The following LIPC variants were observed in gnomAD, a reference collection of about 807,000 sequenced individuals.
LIPC encodes lipase C, hepatic type.
LIPC carries 44 observed loss-of-function variants against 50.7 expected under a neutral mutation model. The ratio of observed to expected loss-of-function variants is 0.87; its 90% CI spans 0.68 to 1.11. The LOEUF is 1.11. LIPC is among the 50% of genes most tolerant of loss of function. The pLI is 0.00. For missense variants in LIPC, 697 were observed against 648.2 expected (o/e 1.08, Z -0.82); for synonymous variants, 271 against 256.4 (o/e 1.06, Z -0.54).
chr15:58,466,042 T>C (rs1894551025), intron 1 of LIPC, among the ~76,000 whole-genome samples: 1 of 152,238 alleles, frequency 6.6e-6, no homozygotes, highest in South Asian at 2.1e-4. Flanking sequence ...AACAGATGTT[T>C]GGGCTGTCAT....
chr15:58,547,297 G>A (rs997343765), intron 5 of LIPC, among the ~76,000 whole-genome samples: 4 of 152,172 alleles, frequency 2.6e-5, no homozygotes, highest in Non-Finnish European at 5.9e-5. Flanking sequence ...CCTCCTGGGT[G>A]GATGAGCTTG....
chr15:58,526,237 A>T (rs1055540871), intron 1 of LIPC, among the ~76,000 whole-genome samples: 5 of 152,206 alleles, frequency 3.3e-5, no homozygotes, highest in African/African-American at 1.2e-4. Flanking sequence ...CAAATGTAAA[A>T]AGTTAGGTAA....
rs1893944668 is a variant in LIPC at position 58,452,629 on chromosome 15, G to C, written c.88+20509G>C. Among the ~76,000 whole-genome samples the C allele has an allele frequency of 2.6e-5, 4 of 152,010 alleles. No individual in the cohort carries two copies. In the South Asian group the frequency reaches 8.3e-4, roughly 32 times the overall value. On this transcript the variant is annotated intron_variant, in intron 1 of 8. Transcript: ENST00000299022. Reference sequence around the variant, plus strand: ...ATTTGACATTCTTCCCTTCTCTCATGAGCTAGACTCAAAGAAGATGGAATC... The same window carrying C: ...ATTTGACATTCTTCCCTTCTCTCATCAGCTAGACTCAAAGAAGATGGAATC...
At chr15:58,523,785 G>A (rs1166717873) in intron 1 of LIPC, among the ~76,000 whole-genome samples, 3 of 152,034 alleles carry the variant, frequency 2.0e-5, no homozygotes, top group African/African-American at 7.2e-5. Context: ...AAATTAGCTA[G>A]TGGAGCAGGG....
chr15:58,540,753 C>T (rs1321128150), intron 2 of LIPC, among the ~76,000 whole-genome samples: 1 of 152,156 alleles, frequency 6.6e-6, no homozygotes, highest in Non-Finnish European at 1.5e-5. Flanking sequence ...CCTGGGATGC[C>T]CTAGACCTCA....
At chr15:58,463,378 G>A (rs1176834573) in intron 1 of LIPC, among the ~76,000 whole-genome samples, 1 of 152,182 alleles carries the variant, frequency 6.6e-6, no homozygotes, top group Non-Finnish European at 1.5e-5. Context: ...AGGAGTCTGT[G>A]ACCCAGACCA....
intron 8 of LIPC, among the ~76,000 whole-genome samples, chr15:58,567,204 A>G (rs1223383556): frequency 7.0e-6 from 1 of 142,532 alleles, no homozygotes; most frequent in African/African-American, 2.6e-5. Flanking sequence ...CCGTCTCAAA[A>G]AAAATAAAAA....
chr15:58,490,912 C>T (rs559976418), intron 1 of LIPC, among the ~76,000 whole-genome samples: 1 of 152,140 alleles, frequency 6.6e-6, no homozygotes, highest in Non-Finnish European at 1.5e-5. Context: ...ACTAATTACA[C>T]CCAGGTGGAA....
At chr15:58,536,856 C>A (rs897361028) in intron 1 of LIPC, among the ~76,000 whole-genome samples, 2 of 152,202 alleles carry the variant, frequency 1.3e-5, no homozygotes, top group Non-Finnish European at 1.5e-5. Context: ...AGTTAATACC[C>A]TTTGGGTAGG....
At chr15:58,501,006 A>G (rs1265323877) in intron 1 of LIPC, among the ~76,000 whole-genome samples, 1 of 151,996 alleles carries the variant, frequency 6.6e-6, no homozygotes, top group East Asian at 1.9e-4. Context: ...CAGCCAATCC[A>G]TATTTCTCCC....
chr15:58,519,436 A>C (rs988744542), intron 1 of LIPC, among the ~76,000 whole-genome samples: 42 of 151,688 alleles, frequency 2.8e-4, no homozygotes, highest in African/African-American at 9.2e-4. Context: ...AAAAAAAAGA[A>C]CTACACTTCT....
chr15:58,486,532 T>C (rs1416663781), intron 1 of LIPC, among the ~76,000 whole-genome samples: 2 of 152,232 alleles, frequency 1.3e-5, no homozygotes, highest in Non-Finnish European at 2.9e-5. Flanking sequence ...TTCATCACTG[T>C]ATTCTCAACA....
Position 58,565,862 on chromosome 15 carries a change from T to C in LIPC, c.1388+2139T>C, listed in dbSNP as rs920716678. 5 of 978,504 alleles carry C rather than the reference T, an allele frequency of 5.1e-6. No homozygotes were observed. The African/African-American group carries it at 9.2e-5, about 18-fold the overall frequency. 60.6% of individuals were successfully genotyped at this position (978,504 alleles called of 1,614,324 possible). A position where few individuals can be genotyped will look rare whatever the true frequency, so the allele number is the denominator to read the frequency against. ...GCTATAATTTTTTTTAGGTTGTAAATACCGAGTGCCTCCTCTGTGTCTACA... is the reference window on the plus strand; with the variant it reads ...GCTATAATTTTTTTTAGGTTGTAAACACCGAGTGCCTCCTCTGTGTCTACA... On this transcript the variant is annotated intron_variant, in intron 8 of 8. Coordinates refer to ENST00000299022, the MANE Select transcript of LIPC (RefSeq NM_000236.3).
At position 58,542,622 on chromosome 15, in the gene LIPC, G is replaced by C. The variant is rs560972096; in HGVS notation, c.545G>C (p.Gly182Ala). ...TCAGGATTTGCCGGCAGTTCCATCG[G>C]TGGAACGCACAAGATTGGGAGAATC... ...HVSGFAGSSI[G>A]GTHKIGRITG... Residue 182 changes from glycine to alanine, a missense_variant, in exon 4 of 9, where the codon GGT (glycine) becomes GCT (alanine). By Grantham distance (60) the Gly-to-Ala change is moderately conservative. Coordinates refer to ENST00000299022, the MANE Select transcript of LIPC (RefSeq NM_000236.3). 6.2e-6 allele frequency: 10 copies of C among 1,612,886 alleles called. No homozygotes were observed. The African/African-American group carries it at 1.3e-4, about 22-fold the overall frequency.
intron 1 of LIPC, among the ~76,000 whole-genome samples, chr15:58,493,415 C>T (rs1008975010): frequency 1.3e-5 from 2 of 151,922 alleles, no homozygotes; most frequent in Admixed American, 6.6e-5. Flanking sequence ...GTGCCTGGCC[C>T]ACACCCGAGT....
intron 1 of LIPC, among the ~76,000 whole-genome samples, chr15:58,490,783 G>A (rs1010128097): frequency 6.6e-6 from 1 of 152,228 alleles, no homozygotes; most frequent in South Asian, 2.1e-4. Flanking sequence ...GCAGTGAGAC[G>A]TGCTACCTGG....
intron 1 of LIPC, among the ~76,000 whole-genome samples, chr15:58,510,489 T>C: frequency 6.6e-6 from 1 of 152,258 alleles, no homozygotes; most frequent in East Asian, 1.9e-4. Context: ...CATCATCCTA[T>C]GTTTTCTTAC....
intron 6 of LIPC, 65 bp from the exon 7 acceptor site, chr15:58,560,799 G>A: frequency 2.7e-6 from 2 of 746,020 alleles, no homozygotes; most frequent in South Asian, 3.0e-5. Flanking sequence ...AGAAATAAGA[G>A]ATTTTTAAAT....
intron 1 of LIPC, chr15:58,436,441 G>A (rs1363850590): frequency 3.3e-5 from 8 of 240,270 alleles, no homozygotes; most frequent in South Asian, 4.9e-5. Context: ...GGACTCATAC[G>A]AAAAATATTT....
Sources: gnomAD v4.1 joint callset for allele counts (sites outside exome capture counted in the v4.1 genomes callset) on GRCh38, gnomAD v4.1.1 for gene constraint, MANE v1.5 for transcripts, NCBI Gene and HGNC (gene_info 2026-07-23, HGNC 2026-07-21) for gene names.